The following RYR3 variants were observed in gnomAD, a reference collection of about 807,000 sequenced individuals.
The protein encoded by RYR3 is brain ryanodine receptor-calcium release channel.
Under a neutral mutation model 584.3 loss-of-function variants are expected in RYR3, and 207 were observed. The ratio of observed to expected loss-of-function variants is 0.35; its 90% CI spans 0.32 to 0.40. The LOEUF (loss-of-function observed/expected upper bound fraction) is 0.40. RYR3 is among the 10% of genes least tolerant of loss of function. The pLI is 1.00. For missense variants in RYR3, 5,616 were observed against 6,089.2 expected, an observed-to-expected ratio of 0.92 and a Z score of 2.59; for synonymous variants, 2,416 against 2,248.5, an observed-to-expected ratio of 1.07 and a Z score of -2.11.
At chr15:33,803,124 C>G (rs2076002002) in intron 69 of RYR3, among the ~76,000 whole-genome samples, 2 of 152,190 alleles carry the variant, frequency 1.3e-5, no homozygotes. Context: ...TTTATGTTGA[C>G]ACATTTCTTC....
At chr15:33,729,295 A>G (rs1008512451) in intron 47 of RYR3, among the ~76,000 whole-genome samples, 3 of 152,114 alleles carry the variant, frequency 2.0e-5, no homozygotes, top group Admixed American at 6.5e-5. Context: ...TATCCTGTGC[A>G]TTGTAGAACG....
intron 49 of RYR3, among the ~76,000 whole-genome samples, chr15:33,736,961 T>C (rs984513416): frequency 6.6e-6 from 1 of 152,172 alleles, no homozygotes; most frequent in African/African-American, 2.4e-5. Context: ...GGTTTCACCA[T>C]GTTGGCCAGG....
chr15:33,389,762 C>A (rs896147944), intron 1 of RYR3, among the ~76,000 whole-genome samples: 16 of 152,088 alleles, frequency 1.1e-4, no homozygotes, highest in African/African-American at 3.6e-4. Context: ...TGTGTGAAAT[C>A]GTGAATAATT....
intron 2 of RYR3, among the ~76,000 whole-genome samples, chr15:33,485,468 A>C (rs2050331738): frequency 6.6e-6 from 1 of 152,178 alleles, no homozygotes; most frequent in Admixed American, 6.5e-5. Flanking sequence ...AGAGGTGGTC[A>C]GTGTGCAAAA....
intron 44 of RYR3, among the ~76,000 whole-genome samples, chr15:33,723,136 T>C (rs2068075039): frequency 6.6e-6 from 1 of 152,212 alleles, no homozygotes; most frequent in Admixed American, 6.5e-5. Context: ...AATCACAAAG[T>C]GGGCAAACTC....
At position 33,857,509 on chromosome 15, in the gene RYR3, C is replaced by G. The variant is rs1428102473; in HGVS notation, c.14008-271C>G. Among the ~76,000 whole-genome samples the G allele has an allele frequency of 5.3e-5, 8 of 152,112 alleles. No individual in the cohort carries two copies. The East Asian group carries it at 1.5e-3, about 29-fold the overall frequency. On this transcript the variant is annotated intron_variant, in intron 98 of 103. Transcript: ENST00000634891. ...ATTCTGAGGTACTGGAGGCCAGGAC[C>G]TCAGCATATGAATTTGAAGGGACAC...
chr15:33,430,501 A>C (rs2045048239), intron 1 of RYR3, among the ~76,000 whole-genome samples: 1 of 152,166 alleles, frequency 6.6e-6, no homozygotes, highest in Non-Finnish European at 1.5e-5. Context: ...GTTAGCACTG[A>C]CTTAGGGACG....
intron 86 of RYR3, among the ~76,000 whole-genome samples, chr15:33,832,902 A>G (rs577528723): frequency 5.3e-5 from 8 of 151,042 alleles, no homozygotes; most frequent in Non-Finnish European, 1.0e-4. Context: ...CAGCTACTCA[A>G]GAGGCTAAGG....
Position 33,580,137 on chromosome 15 carries a change from A to G in RYR3, c.1430A>G (p.Lys477Arg), listed in dbSNP as rs768687562. 22 of 1,602,052 alleles carry G rather than the reference A, an allele frequency of 1.4e-5. No homozygotes were observed. The South Asian group carries it at 2.5e-4, about 18-fold the overall frequency. Residue 477 changes from lysine (K) to arginine (R), a missense_variant, in exon 13 of 104, where the codon AAG becomes AGG. Coordinates refer to ENST00000634891, the MANE Select transcript of RYR3 (RefSeq NM_001036.6). Reference sequence around the variant, plus strand: ...CTCAAAAACAGACAAAATCTTTTCAAGGAAGAGGTAAGTCGAAAAATGAAA... The same window carrying G: ...CTCAAAAACAGACAAAATCTTTTCAGGGAAGAGGTAAGTCGAAAAATGAAA... ...RSLKNRQNLF[K>R]EEGMLALVLN...
intron 3 of RYR3, among the ~76,000 whole-genome samples, chr15:33,524,350 T>C (rs2054239176): frequency 6.6e-6 from 1 of 152,262 alleles, no homozygotes; most frequent in African/African-American, 2.4e-5. Context: ...ATAACCTCTG[T>C]AATTGCCTTC....
chr15:33,864,022 G>T, intron 102 of RYR3, 116 bp from the exon 103 acceptor site: 1 of 672,760 alleles, frequency 1.5e-6, no homozygotes, highest in East Asian at 2.8e-5. Context: ...GATCATTTAA[G>T]TCACTGTAGA....
chr15:33,330,311 AAAAC>A (rs999935072), intron 1 of RYR3, among the ~76,000 whole-genome samples: 19 of 152,316 alleles, frequency 1.2e-4, no homozygotes, highest in Middle Eastern at 6.8e-3. Flanking sequence ...TATACTAAGT[AAAAC>A]AAACAGAGGA....
intron 1 of RYR3, among the ~76,000 whole-genome samples, chr15:33,340,121 T>C (rs1463122718): frequency 1.3e-5 from 2 of 152,218 alleles, no homozygotes; most frequent in Non-Finnish European, 2.9e-5. Context: ...ATGTACTTTG[T>C]GTTATTCAAT....
chr15:33,789,624 TTATATATATATATATATATATATA>T (rs1567174689), intron 67 of RYR3, among the ~76,000 whole-genome samples: 2 of 11,692 alleles, frequency 1.7e-4, no homozygotes, highest in African/African-American at 2.2e-4. Context: ...AGGTTTTATT[TTATATATATATATATATATATATA>T]TATATATATA....
chr15:33,550,005 T>A (rs1367682602), intron 9 of RYR3, among the ~76,000 whole-genome samples, 155 bp from the exon 10 acceptor site: 2 of 152,204 alleles, frequency 1.3e-5, no homozygotes, highest in African/African-American at 4.8e-5. Flanking sequence ...AGACATGAAA[T>A]CCTACAGCAA....
chr15:33,442,524 A>G (rs534668230), intron 1 of RYR3, among the ~76,000 whole-genome samples: 7 of 152,242 alleles, frequency 4.6e-5, no homozygotes, highest in Non-Finnish European at 5.9e-5. Flanking sequence ...TTCTAGCAGA[A>G]TTAAGTAGGG....
chr15:33,776,046 A>G (rs1267114686), intron 64 of RYR3, among the ~76,000 whole-genome samples: 1 of 152,208 alleles, frequency 6.6e-6, no homozygotes, highest in Admixed American at 6.5e-5. Flanking sequence ...TGGGTTTCAC[A>G]GAGGAAAGTA....
At chr15:33,860,733 G>A (rs1362601659) in intron 101 of RYR3, 74 bp downstream of exon 101, 3 of 1,142,486 alleles carry the variant, frequency 2.6e-6, no homozygotes, top group Admixed American at 4.4e-5. Context: ...TTAAACAATA[G>A]GTTTTACTAT....
intron 95 of RYR3, 136 bp from the exon 96 acceptor site, chr15:33,853,419 T>C (rs1567327458): frequency 1.5e-5 from 17 of 1,165,170 alleles, no homozygotes; most frequent in African/African-American, 3.1e-5. Flanking sequence ...TTCTCTTTTT[T>C]CTGCATTTTG....
Sources: allele counts gnomAD v4.1 joint callset (sites outside exome capture counted in the v4.1 genomes callset), GRCh38; gene constraint gnomAD v4.1.1; transcripts MANE v1.5; gene names NCBI Gene and HGNC (gene_info 2026-07-23, HGNC 2026-07-21).